ZNF341: variants seen among roughly 807,000 people sequenced by gnomAD.
ZNF341 encodes zinc finger protein 341.
A neutral mutation model predicts 87.7 loss-of-function variants in ZNF341; 52 were observed. That is an observed-to-expected ratio of 0.59 (90% CI 0.47 to 0.75). The LOEUF (loss-of-function observed/expected upper bound fraction) is 0.75. ZNF341 is among the 30% of genes least tolerant of loss of function. The pLI is 0.00. For synonymous variants in ZNF341, 459 were observed against 472.7 expected (o/e 0.97, Z 0.38); for missense variants, 977 against 1,145.9 (o/e 0.85, Z 2.13).
intron 12 of ZNF341, chr20:33,788,422 C>CAA (rs34249604): frequency 0.026 from 5,194 of 200,196 alleles, 275 homozygotes; most frequent in African/African-American, 0.12. Context: ...GGCTCTGTCT[C>CAA]AAAAAAAATA....
chr20:33,783,832 A>G lies in ZNF341; in HGVS notation c.1820A>G (p.His607Arg), dbSNP rs2019792608. 6.2e-7 allele frequency: 1 copy of G among 1,613,434 alleles called. No individual in the cohort carries two copies. Among genetic ancestry groups the G allele is most frequent in the Non-Finnish European group, 8.5e-7 (1 of 1,179,764 alleles). ...QVCKKFFRRE[H>R]YLKLHAHIHS... Reference sequence around the variant, plus strand: ...TGCAAGAAGTTCTTCCGGCGGGAGCATTATCTCAAACTGCATGCTCACATC... The same window carrying G: ...TGCAAGAAGTTCTTCCGGCGGGAGCGTTATCTCAAACTGCATGCTCACATC... The change falls in exon 12 of 15, where the codon CAT becomes CGT. Residue 607 changes from histidine (H) to arginine (R), a missense_variant. Around this residue, in one of 3 missense-constraint regions of ZNF341, gnomAD observed 241 missense variants for 335.0 expected, o/e 0.72. Transcript: ENST00000375200.
At chr20:33,761,785 C>T (rs369840775) in intron 7 of ZNF341, 77 bp from the exon 8 acceptor site, 5 of 1,280,956 alleles carry the variant, frequency 3.9e-6, no homozygotes, top group Admixed American at 5.3e-5. Context: ...CTGGGCCTTC[C>T]TTGTGGCTGT....
At chr20:33,754,277 C>T (rs1201149737) in intron 5 of ZNF341, among the ~76,000 whole-genome samples, 1 of 152,096 alleles carries the variant, frequency 6.6e-6, no homozygotes, top group Non-Finnish European at 1.5e-5. Context: ...ATACTAATTC[C>T]CTGCCAATGA....
At chr20:33,754,843 C>G (rs978250548) in intron 5 of ZNF341, among the ~76,000 whole-genome samples, 2 of 152,194 alleles carry the variant, frequency 1.3e-5, no homozygotes, top group African/African-American at 2.4e-5. Flanking sequence ...TGGGAACTCT[C>G]CTGAAAAGCT....
rs754872317 is a variant in ZNF341 at position 33,753,248 on chromosome 20, C to T, written c.566C>T (p.Pro189Leu). The change falls in exon 5 of 15, where the codon CCC (proline) becomes CTC (leucine). Residue 189 changes from proline (P) to leucine (L), a missense_variant. Physicochemically the swap from Pro to Leu is moderately conservative, Grantham distance 98. Around this residue, in one of 3 missense-constraint regions of ZNF341, gnomAD observed 515 missense variants for 598.2 expected, o/e 0.86. Coordinates refer to ENST00000375200, the MANE Select transcript of ZNF341 (RefSeq NM_001282933.2). ...PPPPPPPPPL[P>L]PPPPPQPPPP... ...CCTCCTCCACCTCCTCCACCACTGC[C>T]CCCACCGCCACCACCTCAGCCTCCA... 4 of 1,611,806 alleles carry T rather than the reference C, an allele frequency of 2.5e-6. No homozygotes were observed. In the South Asian group the frequency reaches 3.3e-5, roughly 13 times the overall value.
At chr20:33,737,544 A>G (rs1477558146) in intron 1 of ZNF341, among the ~76,000 whole-genome samples, 1 of 152,028 alleles carries the variant, frequency 6.6e-6, no homozygotes, top group Non-Finnish European at 1.5e-5. Context: ...GATGGTCTTG[A>G]TCTCCTGACC....
In ZNF341 at chr20:33,762,675, T is replaced by G. The variant is rs1027620418; in HGVS notation, c.1222+620T>G. On this transcript the variant is annotated intron_variant, in intron 8 of 14. Transcript: ENST00000375200. Reference sequence around the variant, plus strand: ...GCATTCGGTATTTGTCCTAAGGCTCTCTCTCCCCTTGTCCCCAGCCCCCCG... The same window carrying G: ...GCATTCGGTATTTGTCCTAAGGCTCGCTCTCCCCTTGTCCCCAGCCCCCCG... 6.6e-5 allele frequency among the ~76,000 whole-genome samples: 10 copies of G among 152,250 alleles called. 1 individual carries two copies. The highest frequency in any genetic ancestry group is 2.4e-4 in the African/African-American group (10 of 41,548).
chr20:33,777,363 G>A (rs1472900013), intron 10 of ZNF341, among the ~76,000 whole-genome samples: 2 of 148,464 alleles, frequency 1.3e-5, no homozygotes, highest in Non-Finnish European at 3.0e-5. Flanking sequence ...GGCCAGGTGC[G>A]GTGGCTCACA....
intron 3 of ZNF341, among the ~76,000 whole-genome samples, chr20:33,748,291 C>T (rs1465174188): frequency 3.3e-5 from 5 of 151,386 alleles, no homozygotes; most frequent in African/African-American, 9.7e-5. Context: ...AGGATGGTCT[C>T]GATCTCTTGA....
At chr20:33,772,305 C>A (rs78382342) in intron 10 of ZNF341, among the ~76,000 whole-genome samples, 5,787 of 152,174 alleles carry the variant, frequency 0.038, 185 homozygotes, top group Non-Finnish European at 0.069. Context: ...TTGTGTGGGG[C>A]CTCCTTCCAG....
At chr20:33,744,299 AAAAGAAAAGAAAAGG>A (rs1221961158) in intron 2 of ZNF341, among the ~76,000 whole-genome samples, 1 of 151,914 alleles carries the variant, frequency 6.6e-6, no homozygotes, top group Non-Finnish European at 1.5e-5. Context: ...GAAAAAAAAA[AAAAGAAAAGAAAAGG>A]AAAGAAAAAG....
chr20:33,762,129 G>A lies in ZNF341; in HGVS notation c.1222+74G>A. On this transcript the variant is annotated intron_variant, in intron 8 of 14. Transcript: ENST00000375200. Reference sequence around the variant, plus strand: ...CTTCACAGGTTTTATTGCTAGCTGTGTGACCTTGGGCAAACCCCATGACCT... The same window carrying A: ...CTTCACAGGTTTTATTGCTAGCTGTATGACCTTGGGCAAACCCCATGACCT... 5 of 1,425,530 alleles carry A rather than the reference G, an allele frequency of 3.5e-6. No homozygotes were observed. In the South Asian group the frequency reaches 7.5e-5, roughly 21 times the overall value. 88.3% of individuals were successfully genotyped at this position (1,425,530 alleles called of 1,614,324 possible). A position where few individuals can be genotyped will look rare whatever the true frequency, so the allele number is the denominator to read the frequency against.
At chr20:33,738,483 A>C (rs1375940907) in intron 1 of ZNF341, among the ~76,000 whole-genome samples, 1 of 152,166 alleles carries the variant, frequency 6.6e-6, no homozygotes, top group Non-Finnish European at 1.5e-5. Context: ...ACTGTAAACT[A>C]AATTTCTCCC....
chr20:33,749,757 C>CTT (rs34065737), intron 4 of ZNF341, among the ~76,000 whole-genome samples: 14 of 141,082 alleles, frequency 9.9e-5, no homozygotes, highest in South Asian at 2.3e-4. Context: ...TGTTTTTGTT[C>CTT]TTTTTTTTTT....
At chr20:33,789,170 G>T (rs1319613039) in intron 13 of ZNF341, among the ~76,000 whole-genome samples, 196 bp downstream of exon 13, 2 of 151,950 alleles carry the variant, frequency 1.3e-5, no homozygotes, top group Admixed American at 1.3e-4. Context: ...CTGCCTTCTG[G>T]GTTCAAGCGA....
intron 5 of ZNF341, among the ~76,000 whole-genome samples, chr20:33,754,852 C>A (rs2019142162): frequency 6.6e-6 from 1 of 152,190 alleles, no homozygotes; most frequent in African/African-American, 2.4e-5. Context: ...TCCTGAAAAG[C>A]TGTTGAGGAT....
chr20:33,788,617 C>T (rs2019924493), intron 12 of ZNF341: 1 of 513,364 alleles, frequency 1.9e-6, no homozygotes, highest in African/African-American at 1.9e-5. Flanking sequence ...CCCAGACCAT[C>T]TCCCTGATGA....
intron 2 of ZNF341, among the ~76,000 whole-genome samples, chr20:33,741,429 G>C (rs564425806): frequency 2.0e-5 from 3 of 148,556 alleles, no homozygotes; most frequent in African/African-American, 7.5e-5. Flanking sequence ...TTTTGAGACA[G>C]AGTGTTACTC....
At chr20:33,764,561 A>ATATATATATATATATATTTTTTT (rs1266929824) in intron 8 of ZNF341, among the ~76,000 whole-genome samples, 1 of 28,410 alleles carries the variant, frequency 3.5e-5, no homozygotes, top group African/African-American at 1.1e-4. Flanking sequence ...ATATATATAT[A>ATATATATATATATATATTTTTTT]TTTTTTTTTT....
Sources: gnomAD v4.1 joint callset for allele counts (sites outside exome capture counted in the v4.1 genomes callset) on GRCh38, gnomAD v4.1.1 for gene constraint, gnomAD v4.1.1 regional missense constraint, MANE v1.5 for transcripts, NCBI Gene and HGNC (gene_info 2026-07-23, HGNC 2026-07-21) for gene names.